SPOCK1: variants seen among roughly 807,000 people sequenced by gnomAD.
The protein encoded by SPOCK1 is testican-1.
In SPOCK1, 23 loss-of-function variants were observed where a neutral mutation model predicts 55.3. That is an observed-to-expected ratio of 0.42 (90% CI 0.30 to 0.59). SPOCK1 has a LOEUF of 0.59. Among genes scored for constraint, SPOCK1 ranks in the 20% least tolerant of loss-of-function variants. The pLI is 0.22. For synonymous variants in SPOCK1, 226 were observed against 221.0 expected, an observed-to-expected ratio of 1.02 and a Z score of -0.20; for missense variants, 499 against 552.5, an observed-to-expected ratio of 0.90 and a Z score of 0.97.
At chr5:136,993,490 A>G (rs1750987984) in intron 6 of SPOCK1, among the ~76,000 whole-genome samples, 1 of 152,192 alleles carries the variant, frequency 6.6e-6, no homozygotes, top group Non-Finnish European at 1.5e-5. Context: ...TGCTACCAAG[A>G]CCTAGAGAAC....
At chr5:137,085,121 C>G (rs1242229442) in intron 5 of SPOCK1, among the ~76,000 whole-genome samples, 1 of 152,116 alleles carries the variant, frequency 6.6e-6, no homozygotes, top group Non-Finnish European at 1.5e-5. Flanking sequence ...CTGAGAGTAA[C>G]AAGCCACATG....
At chr5:136,979,510 GA>G (rs1750684098) in intron 9 of SPOCK1, 41 bp from the exon 10 acceptor site, 2 of 1,509,582 alleles carry the variant, frequency 1.3e-6, no homozygotes, top group South Asian at 2.3e-5. Context: ...GAGACATGCA[GA>G]TGATACTCGG....
intron 6 of SPOCK1, 104 bp from the exon 7 acceptor site, chr5:136,992,704 CCACGATATAACTGTTACCT>C: frequency 1.3e-6 from 1 of 792,910 alleles, no homozygotes; most frequent in South Asian, 1.8e-5. Context: ...TTCTATCCAA[CCACGATATAACTGTTACCT>C]CACGTGGAAA....
intron 2 of SPOCK1, among the ~76,000 whole-genome samples, chr5:137,348,538 T>G (rs1306074283): frequency 1.3e-5 from 2 of 152,156 alleles, no homozygotes; most frequent in South Asian, 4.1e-4. Flanking sequence ...TGTGAAAGAT[T>G]TGCATGTGCT....
intron 7 of SPOCK1, among the ~76,000 whole-genome samples, chr5:136,990,683 G>A (rs928437747): frequency 5.9e-5 from 9 of 151,772 alleles, no homozygotes; most frequent in African/African-American, 2.2e-4. Context: ...AATTTACTTT[G>A]GCACTACACA....
At chr5:137,282,414 T>C (rs996891520) in intron 2 of SPOCK1, among the ~76,000 whole-genome samples, 5 of 152,192 alleles carry the variant, frequency 3.3e-5, no homozygotes, top group East Asian at 1.9e-4. Context: ...CAAACACGCA[T>C]GTGTGATGGA....
chr5:137,496,040 C>CA (rs920946863), intron 2 of SPOCK1, among the ~76,000 whole-genome samples: 138 of 149,528 alleles, frequency 9.2e-4, no homozygotes, highest in African/African-American at 2.6e-3. Context: ...AAAACAAAAA[C>CA]AAAAAAAAAT....
chr5:137,399,879 G>A (rs974366751), intron 2 of SPOCK1, among the ~76,000 whole-genome samples: 6 of 152,284 alleles, frequency 3.9e-5, no homozygotes, highest in Non-Finnish European at 8.8e-5. Context: ...ATTTGACAGC[G>A]TTGGCAGGGA....
intron 2 of SPOCK1, among the ~76,000 whole-genome samples, chr5:137,478,947 A>G (rs1236965801): frequency 6.6e-6 from 1 of 152,000 alleles, no homozygotes; most frequent in East Asian, 1.9e-4. Flanking sequence ...ACTAATCTCT[A>G]CCATTACTCC....
intron 2 of SPOCK1, among the ~76,000 whole-genome samples, chr5:137,297,220 G>A (rs777848546): frequency 6.6e-6 from 1 of 152,138 alleles, no homozygotes; most frequent in Non-Finnish European, 1.5e-5. Flanking sequence ...AAATAAGTGT[G>A]TATGTGTCTA....
chr5:137,191,413 T>C (rs1755175982), intron 3 of SPOCK1, among the ~76,000 whole-genome samples: 1 of 151,484 alleles, frequency 6.6e-6, no homozygotes, highest in Admixed American at 6.6e-5. Context: ...TGCTGTATGA[T>C]GGAAATTCTG....
At chr5:137,073,986 T>C (rs960654339) in intron 5 of SPOCK1, among the ~76,000 whole-genome samples, 2 of 152,152 alleles carry the variant, frequency 1.3e-5, no homozygotes, top group Non-Finnish European at 2.9e-5. Context: ...GGCATGTGCC[T>C]CCTAATATGC....
intron 2 of SPOCK1, among the ~76,000 whole-genome samples, chr5:137,470,686 T>A (rs537137272): frequency 6.6e-6 from 1 of 152,338 alleles, no homozygotes; most frequent in South Asian, 2.1e-4. Flanking sequence ...AAAGGAAATC[T>A]GCTTTCTTAA....
intron 3 of SPOCK1, among the ~76,000 whole-genome samples, chr5:137,180,158 C>T (rs11948523): frequency 0.021 from 3,194 of 152,252 alleles, 119 homozygotes; most frequent in African/African-American, 0.072. Flanking sequence ...CACCTGCCTC[C>T]TAATCATCTC....
At chr5:137,147,360 T>C (rs764196091) in intron 3 of SPOCK1, among the ~76,000 whole-genome samples, 9 of 152,234 alleles carry the variant, frequency 5.9e-5, no homozygotes, top group African/African-American at 1.7e-4. Flanking sequence ...TATAACACTT[T>C]GAATGTCCAT....
chr5:136,976,497 A>G lies in SPOCK1; in HGVS notation c.*2157T>C, dbSNP rs1358170746. Reference sequence around the variant, plus strand: ...TTTTCTAAGTGAAATCAATTTTTCAATTTTAATTTGTTCTCTTGTACATTT... The same window carrying G: ...TTTTCTAAGTGAAATCAATTTTTCAGTTTTAATTTGTTCTCTTGTACATTT... On this transcript the variant is annotated 3_prime_UTR_variant, in exon 11 of 11. Transcript: ENST00000394945. 5 of 152,628 alleles carry G rather than the reference A, an allele frequency of 3.3e-5. No homozygotes were observed. The highest frequency in any genetic ancestry group is 3.3e-4 in the Admixed American group (5 of 15,280). The allele number at this position is 152,628 out of a possible 1,614,324, so 9.5% of individuals were successfully genotyped here.
chr5:137,452,390 A>G (rs920909502), intron 2 of SPOCK1, among the ~76,000 whole-genome samples: 3 of 152,192 alleles, frequency 2.0e-5, no homozygotes, highest in African/African-American at 7.2e-5. Flanking sequence ...TGAAGCCGTC[A>G]TTTTGAAAGG....
At chr5:137,160,583 TA>T (rs1379537601) in intron 3 of SPOCK1, among the ~76,000 whole-genome samples, 8,303 of 74,432 alleles carry the variant, frequency 0.11, 753 homozygotes, top group East Asian at 0.21. Context: ...ATATAATATA[TA>T]TAATATATAA....
chr5:137,427,197 TC>T (rs1364619618), intron 2 of SPOCK1, among the ~76,000 whole-genome samples: 2 of 152,180 alleles, frequency 1.3e-5, no homozygotes, highest in Admixed American at 1.3e-4. Flanking sequence ...AGCAGAACCC[TC>T]CCCCAACCCA....
Sources: allele counts gnomAD v4.1 joint callset (sites outside exome capture counted in the v4.1 genomes callset), GRCh38; gene constraint gnomAD v4.1.1; transcripts MANE v1.5; gene names NCBI Gene and HGNC (gene_info 2026-07-23, HGNC 2026-07-21).